Variants in MORC4 observed in about 807,000 individuals in gnomAD.
The protein encoded by MORC4 is MORC family CW-type zinc finger 4.
A neutral mutation model predicts 65.5 loss-of-function variants in MORC4; 22 were observed. The ratio of observed to expected loss-of-function variants is 0.34; its 90% CI spans 0.24 to 0.48. The LOEUF is 0.48. Among genes scored for constraint, MORC4 ranks in the 20% least tolerant of loss-of-function variants. MORC4 has a pLI of 0.99. For missense variants in MORC4, 624 were observed against 703.0 expected, an observed-to-expected ratio of 0.89 and a Z score of 1.27; for synonymous variants, 267 against 255.8, an observed-to-expected ratio of 1.04 and a Z score of -0.42.
rs919289159 is a variant in MORC4, at chrX:106,994,632, A to G, written c.176-1270T>C. 7.1e-5 allele frequency among the ~76,000 whole-genome samples: 8 copies of G among 112,454 alleles called. 1 individual carries two copies. The Middle Eastern group carries it at 0.018, about 257-fold the overall frequency. The stretch of plus-strand genomic sequence containing the variant: ...GAATGTTCATCAAATAAAACAAAAC[A>G]CAGATTAATTTCAAGGGTCACAATG... On this transcript the variant is annotated intron_variant, in intron 2 of 16. Coordinates refer to ENST00000355610, the MANE Select transcript of MORC4 (RefSeq NM_024657.5).
At chrX:106,990,342 C>T (rs760213454) in intron 3 of MORC4, among the ~76,000 whole-genome samples, 22 of 109,645 alleles carry the variant, frequency 2.0e-4, no homozygotes, top group African/African-American at 6.6e-4. Flanking sequence ...CTGCAACCTC[C>T]GCTTCCTGGG....
chrX:106,965,345 G>A lies in MORC4; in HGVS notation c.1158-3235C>T, dbSNP rs182742334. Among the ~76,000 whole-genome samples the A allele has an allele frequency of 4.5e-3, 504 of 111,450 alleles. 4 individuals are homozygous for A. Among genetic ancestry groups the A allele is most frequent in the Non-Finnish European group, 6.4e-3 (339 of 53,093 alleles). ...AATAGCTATAGAATATACACAAAAC[G>A]AAATGAGAAAGGAATTTAAATGTTT... On this transcript the variant is annotated intron_variant, in intron 9 of 16. Coordinates refer to ENST00000355610, the MANE Select transcript of MORC4 (RefSeq NM_024657.5).
chrX:106,961,733 C>G (rs1003370684), intron 10 of MORC4, among the ~76,000 whole-genome samples: 1 of 111,734 alleles, frequency 8.9e-6, no homozygotes, highest in Non-Finnish European at 1.9e-5. Context: ...AAGCTGTCCA[C>G]CCCAGCAAGC....
At chrX:106,951,848 T>C (rs1360794158) in intron 14 of MORC4, among the ~76,000 whole-genome samples, 1 of 108,225 alleles carries the variant, frequency 9.2e-6, no homozygotes, top group Non-Finnish European at 1.9e-5. Context: ...ATACAAAAAT[T>C]AGCCGGGCGT....
At chrX:106,947,572 TATATATATATATATATATA>T (rs1933869301) in intron 14 of MORC4, among the ~76,000 whole-genome samples, 3 of 34,112 alleles carry the variant, frequency 8.8e-5, no homozygotes, top group African/African-American at 1.9e-4. Flanking sequence ...ATATATATAT[TATATATATATATATATATA>T]ATATATATAT....
intron 13 of MORC4, among the ~76,000 whole-genome samples, chrX:106,955,806 T>C (rs1934093442): frequency 9.1e-6 from 1 of 110,438 alleles, no homozygotes; most frequent in East Asian, 2.8e-4. Context: ...ATTGAGTGAG[T>C]GGAAGGTGAA....
At position 106,941,511 on chromosome X, in the gene MORC4, T is replaced by C; in HGVS notation, c.2782A>G (p.Thr928Ala). ...AGTATGTGATTTGCCTCCAGCACCG[T>C]GTACAGGATCCCATCCACTTGTTCT... ...DSEQVDGILY[T>A]VLEANHILD The change falls in exon 17 of 17, where the codon ACG becomes GCG. Residue 928 changes from threonine (T) to alanine (A), a missense_variant. Physicochemically the swap from Thr to Ala is moderately conservative, Grantham distance 58 (BLOSUM62 0). Transcript: ENST00000355610. 8.3e-7 allele frequency: 1 copy of C among 1,209,372 alleles called. No homozygotes were observed. Among genetic ancestry groups the C allele is most frequent in the Non-Finnish European group, 1.1e-6 (1 of 894,238 alleles).
intron 10 of MORC4, among the ~76,000 whole-genome samples, chrX:106,961,595 A>T (rs1251754706): frequency 8.9e-6 from 1 of 111,871 alleles, no homozygotes; most frequent in Non-Finnish European, 1.9e-5. Flanking sequence ...TGTAAAACGC[A>T]CCAATCAGTG....
intron 8 of MORC4, among the ~76,000 whole-genome samples, 157 bp downstream of exon 8, chrX:106,977,923 C>A (rs185541780): frequency 2.7e-3 from 297 of 111,360 alleles, no homozygotes; most frequent in African/African-American, 9.2e-3. Flanking sequence ...GATTTCAACA[C>A]AAGACAGCTC....
At chrX:106,972,675 A>C (rs1934546669) in intron 9 of MORC4, among the ~76,000 whole-genome samples, 1 of 111,931 alleles carries the variant, frequency 8.9e-6, no homozygotes, top group Non-Finnish European at 1.9e-5. Context: ...ACAGTAGCTC[A>C]CACCTGAAAT....
chrX:106,985,092 A>G lies in MORC4; in HGVS notation c.674+4T>C. The G allele has an allele frequency of 8.4e-7, 1 of 1,187,818 alleles. No individual in the cohort carries two copies. Among genetic ancestry groups the G allele is most frequent in the Non-Finnish European group, 1.1e-6 (1 of 879,886 alleles). On this transcript the variant is annotated splice_donor_region_variant and intron_variant, in intron 5 of 16. Transcript: ENST00000355610. Reference sequence around the variant, plus strand: ...TAGAATCTATCACCCTTGGAATACTATACCTGCGGATGTTCCAAATGAGAA... The same window carrying G: ...TAGAATCTATCACCCTTGGAATACTGTACCTGCGGATGTTCCAAATGAGAA...
intron 4 of MORC4, among the ~76,000 whole-genome samples, chrX:106,985,452 T>A (rs766558392): frequency 2.7e-5 from 3 of 111,832 alleles, no homozygotes; most frequent in African/African-American, 9.8e-5. Context: ...TTCAAAGATA[T>A]CATGTAAACA....
At chrX:106,985,282 G>A in intron 4 of MORC4, 39 bp from the exon 5 acceptor site, 1 of 1,009,199 alleles carries the variant, frequency 9.9e-7, no homozygotes, top group East Asian at 3.2e-5. Context: ...TAATATCTTA[G>A]GATGCTATTG....
rs890466531 is a variant in MORC4, at chrX:106,984,179, G to A, written c.674+917C>T. Among the ~76,000 whole-genome samples the A allele has an allele frequency of 6.4e-5, 7 of 108,828 alleles. 1 individual carries two copies. 94.5% of individuals were successfully genotyped at this position (108,828 alleles called of 115,157 possible). A position where few individuals can be genotyped will look rare whatever the true frequency, so the allele number is the denominator to read the frequency against. ...CGCACACCTGTAATCCCAGCTACTC[G>A]AGAGGCTGAGGCATGAGAATCACTT... On this transcript the variant is annotated intron_variant, in intron 5 of 16. Coordinates refer to ENST00000355610, the MANE Select transcript of MORC4 (RefSeq NM_024657.5).
rs761185116 is a variant in MORC4 at position 106,997,136 on chromosome X, CCTTT to C, written c.175+2537_175+2540del. 4.5e-4 allele frequency among the ~76,000 whole-genome samples: 50 copies of C among 112,209 alleles called. 1 individual carries two copies. The South Asian group carries it at 0.013, about 28-fold the overall frequency. The stretch of plus-strand genomic sequence containing the variant: ...CACCTTTTGTCACAAGCCTATTCTT[CCTTT>C]GTTACAAACACACACAAGGTTAGCA... On this transcript the variant is annotated intron_variant, in intron 2 of 16. Transcript: ENST00000355610.
intron 13 of MORC4, among the ~76,000 whole-genome samples, chrX:106,956,019 T>C (rs1355357530): frequency 4.5e-5 from 5 of 110,830 alleles, no homozygotes; most frequent in African/African-American, 1.6e-4. Flanking sequence ...TCCTGAAAAT[T>C]CAAAACAGCA....
chrX:106,950,179 G>A (rs1237740566), intron 14 of MORC4, among the ~76,000 whole-genome samples: 1 of 112,029 alleles, frequency 8.9e-6, no homozygotes, highest in Non-Finnish European at 1.9e-5. Flanking sequence ...ATCCGAAGAG[G>A]GCTCTTGACT....
rs1934157372 is a variant in MORC4, at chrX:106,958,322, T to C, written c.1385+14A>G. ...GAGTTACCTTGAGCATAAGATTGAG[T>C]CCTGGAACCTTACCTGTACTTTGGA... On this transcript the variant is annotated intron_variant, in intron 11 of 16. Transcript: ENST00000355610. 8.4e-7 allele frequency: 1 copy of C among 1,194,155 alleles called. No individual in the cohort carries two copies. Among genetic ancestry groups the C allele is most frequent in the Non-Finnish European group, 1.1e-6 (1 of 884,878 alleles).
intron 2 of MORC4, among the ~76,000 whole-genome samples, chrX:106,996,905 A>T (rs551967790): frequency 8.9e-6 from 1 of 112,334 alleles, no homozygotes; most frequent in Admixed American, 9.3e-5. Context: ...AGGAGAGATA[A>T]GATGGCAAAT....
Sources: gnomAD v4.1 joint callset for allele counts (sites outside exome capture counted in the v4.1 genomes callset) on GRCh38, gnomAD v4.1.1 for gene constraint, MANE v1.5 for transcripts, NCBI Gene and HGNC (gene_info 2026-07-23, HGNC 2026-07-21) for gene names.